Variants in NUDCD1 observed in about 807,000 individuals in gnomAD.
NUDCD1 encodes nudC domain-containing protein 1.
In NUDCD1, 60 loss-of-function variants were observed where a neutral mutation model predicts 67.8. That is an observed-to-expected ratio of 0.88 (90% CI 0.72 to 1.10). NUDCD1 has a LOEUF of 1.10. NUDCD1 is among the 50% of genes least tolerant of loss of function. The pLI is 0.00. For missense variants in NUDCD1, 643 were observed against 695.0 expected (o/e 0.93, Z 0.84); for synonymous variants, 244 against 230.8 (o/e 1.06, Z -0.52).
chr8:109,307,458 C>T (rs766771460), intron 2 of NUDCD1, among the ~76,000 whole-genome samples: 1 of 152,212 alleles, frequency 6.6e-6, no homozygotes, highest in Non-Finnish European at 1.5e-5. Flanking sequence ...ACGTGTGTGA[C>T]AGCCACCACT....
chr8:109,241,853 T>C lies in NUDCD1; in HGVS notation c.*1156A>G, dbSNP rs1586241577. The C allele has an allele frequency of 7.9e-6, 3 of 378,312 alleles. No homozygotes were observed. The highest frequency in any genetic ancestry group is 1.4e-5 in the Non-Finnish European group (3 of 213,868). The allele number at this position is 378,312 out of a possible 1,614,324, so 23.4% of individuals were successfully genotyped here. A position where few individuals can be genotyped will look rare whatever the true frequency, so the allele number is the denominator to read the frequency against. Reference sequence around the variant, plus strand: ...AGGTCTTAACTTCCTTATTAAAATATAAAATCCAACTTGAGGTTTATATAA... The same window carrying C: ...AGGTCTTAACTTCCTTATTAAAATACAAAATCCAACTTGAGGTTTATATAA... On this transcript the variant is annotated 3_prime_UTR_variant, in exon 10 of 10. Transcript: ENST00000239690.
intron 2 of NUDCD1, chr8:109,315,642 GGGTATATAA>G (rs1815373743): frequency 6.6e-6 from 1 of 152,110 alleles, no homozygotes; most frequent in South Asian, 2.1e-4. Flanking sequence ...GTATGAATAA[GGGTATATAA>G]GCATCTGTAC....
chr8:109,295,165 T>G lies in NUDCD1; in HGVS notation c.459+1219A>C, dbSNP rs114173565. On this transcript the variant is annotated intron_variant, in intron 3 of 9. Transcript: ENST00000239690. The stretch of plus-strand genomic sequence containing the variant: ...ACACAAAACAAAACCAAAAGAAGTA[T>G]AAGCCCATATGAAATAATGTGTGGT... 7.3e-3 allele frequency among the ~76,000 whole-genome samples: 1,115 copies of G among 152,222 alleles called. 20 individuals carry two copies. Among genetic ancestry groups the G allele is most frequent in the African/African-American group, 0.026 (1,077 of 41,534 alleles).
chr8:109,284,278 T>C (rs1814524456), intron 5 of NUDCD1, among the ~76,000 whole-genome samples: 1 of 152,174 alleles, frequency 6.6e-6, no homozygotes, highest in South Asian at 2.1e-4. Flanking sequence ...TGGAGCACCC[T>C]GATACATAAA....
intron 2 of NUDCD1, among the ~76,000 whole-genome samples, chr8:109,296,879 C>G (rs1814856168): frequency 6.6e-6 from 1 of 152,204 alleles, no homozygotes; most frequent in South Asian, 2.1e-4. Context: ...GCCCCATGGA[C>G]AGACCCACAT....
chr8:109,297,045 AC>A (rs1277472983), intron 2 of NUDCD1, among the ~76,000 whole-genome samples: 1 of 152,196 alleles, frequency 6.6e-6, no homozygotes. Flanking sequence ...CAGACCACCC[AC>A]CTGAACTACT....
At chr8:109,281,217 A>C in intron 5 of NUDCD1, 45 bp from the exon 6 acceptor site, 1 of 1,247,452 alleles carries the variant, frequency 8.0e-7, no homozygotes, top group Non-Finnish European at 1.2e-6. Flanking sequence ...AAATTAGAGA[A>C]AGCATACACA....
chr8:109,268,889 A>ACATGG (rs1814073671), intron 8 of NUDCD1, among the ~76,000 whole-genome samples: 1 of 152,164 alleles, frequency 6.6e-6, no homozygotes, highest in Non-Finnish European at 1.5e-5. Context: ...GGATTATGTC[A>ACATGG]AAACTAAACA....
At chr8:109,299,950 A>C (rs1022687650) in intron 2 of NUDCD1, among the ~76,000 whole-genome samples, 2 of 152,184 alleles carry the variant, frequency 1.3e-5, no homozygotes, top group African/African-American at 4.8e-5. Flanking sequence ...CAACCCCAGT[A>C]CCAGCCTGGA....
chr8:109,259,884 G>A (rs1168961874), intron 8 of NUDCD1, among the ~76,000 whole-genome samples: 1 of 152,124 alleles, frequency 6.6e-6, no homozygotes, highest in African/African-American at 2.4e-5. Context: ...GGCAAATCAA[G>A]TACTTGCTAA....
At chr8:109,261,174 T>C (rs1172363346) in intron 8 of NUDCD1, among the ~76,000 whole-genome samples, 1 of 152,180 alleles carries the variant, frequency 6.6e-6, no homozygotes, top group Non-Finnish European at 1.5e-5. Flanking sequence ...TATGACAGCA[T>C]GCAATATATT....
At chr8:109,309,939 A>G (rs1244885069) in intron 2 of NUDCD1, among the ~76,000 whole-genome samples, 2 of 152,148 alleles carry the variant, frequency 1.3e-5, no homozygotes, top group Non-Finnish European at 2.9e-5. Context: ...TGAAAGACCT[A>G]TACAAGGAAA....
At chr8:109,262,310 G>C (rs1813879333) in intron 8 of NUDCD1, among the ~76,000 whole-genome samples, 2 of 152,204 alleles carry the variant, frequency 1.3e-5, no homozygotes, top group African/African-American at 4.8e-5. Context: ...AGTTAAAACA[G>C]AAGCAGGCAG....
intron 1 of NUDCD1, among the ~76,000 whole-genome samples, chr8:109,326,301 G>A (rs539067660): frequency 1.1e-4 from 16 of 152,044 alleles, no homozygotes; most frequent in African/African-American, 2.7e-4. Flanking sequence ...CTCTATTAAC[G>A]CATAGAAAAA....
In NUDCD1 at chr8:109,289,771, T is replaced by C. The variant is rs113073147; in HGVS notation, c.803A>G (p.Asp268Gly). 1.3e-6 allele frequency: 2 copies of C among 1,519,304 alleles called. No individual in the cohort carries two copies. Among genetic ancestry groups the C allele is most frequent in the Non-Finnish European group, 1.8e-6 (2 of 1,104,700 alleles). 94.1% of individuals were successfully genotyped at this position (1,519,304 alleles called of 1,614,324 possible). Residue 268 changes from aspartate (D) to glycine (G), a missense_variant, in exon 5 of 10, where the codon GAC (aspartate) becomes GGC (glycine). Physicochemically the swap from Asp to Gly is moderately conservative, Grantham distance 94 (BLOSUM62 -1). Transcript: ENST00000239690. Reference protein sequence around the residue: ...GQDLEENMDEDISEKIKEPLY... With the variant: ...GQDLEENMDEGISEKIKEPLY... Reference sequence around the variant, plus strand: ...ATTACCTTTGATTTTCTCTGATATGTCTTCATCCATATTTTCTTCAAGATC... The same window carrying C: ...ATTACCTTTGATTTTCTCTGATATGCCTTCATCCATATTTTCTTCAAGATC...
At chr8:109,330,692 G>A (rs1264548379) in intron 1 of NUDCD1, among the ~76,000 whole-genome samples, 2 of 152,084 alleles carry the variant, frequency 1.3e-5, no homozygotes, top group African/African-American at 4.8e-5. Flanking sequence ...ATACGCCATG[G>A]AATACTATGC....
rs759869657 is a variant in NUDCD1 at position 109,275,461 on chromosome 8, A to G, written c.1064T>C (p.Leu355Pro). 1.2e-5 allele frequency: 20 copies of G among 1,613,344 alleles called. No individual in the cohort carries two copies. The highest frequency in any genetic ancestry group is 1.7e-5 in the Non-Finnish European group (20 of 1,179,494). Residue 355 changes from leucine to proline, a missense_variant, in exon 7 of 10, where the codon CTG becomes CCG. Leu to Pro is a moderately conservative substitution (Grantham distance 98, BLOSUM62 -3). Coordinates refer to ENST00000239690, the MANE Select transcript of NUDCD1 (RefSeq NM_032869.4). ...TCCAATTACTAGCTCTGGCCAGGTC[A>G]GTCCTTCATTCTTCTTAATCAAGGA... The part of the protein sequence containing the change: ...EISLIKKNEG[L>P]TWPELVIGDK...
At chr8:109,308,842 G>A (rs962931599) in intron 2 of NUDCD1, among the ~76,000 whole-genome samples, 1 of 148,892 alleles carries the variant, frequency 6.7e-6, no homozygotes, top group African/African-American at 2.6e-5. Flanking sequence ...CATGGTGGCA[G>A]GCAAATGTAG....
rs755172844 is a variant in NUDCD1, at chr8:109,329,855, A to C, written c.118+4038T>G. On this transcript the variant is annotated intron_variant, in intron 1 of 9. Coordinates refer to ENST00000239690, the MANE Select transcript of NUDCD1 (RefSeq NM_032869.4). Reference sequence around the variant, plus strand: ...AAGCATTGAAAACGATGGACATGGGACCCTTCAATACAAAATCAATAATCT... The same window carrying C: ...AAGCATTGAAAACGATGGACATGGGCCCCTTCAATACAAAATCAATAATCT... 3.9e-6 allele frequency: 6 copies of C among 1,549,530 alleles called. No individual in the cohort carries two copies. The South Asian group carries it at 7.2e-5, about 19-fold the overall frequency.
Sources: gnomAD v4.1 joint callset for allele counts (sites outside exome capture counted in the v4.1 genomes callset) on GRCh38, gnomAD v4.1.1 for gene constraint, MANE v1.5 for transcripts, NCBI Gene and HGNC (gene_info 2026-07-23, HGNC 2026-07-21) for gene names.